Variants in RIOK3 observed in about 807,000 individuals in gnomAD.
The protein encoded by RIOK3 is serine/threonine-protein kinase RIO3.
RIOK3 carries 40 observed loss-of-function variants against 63.5 expected under a neutral mutation model. That is an observed-to-expected ratio of 0.63 (90% CI 0.49 to 0.82). The LOEUF is 0.82. Ranked by LOEUF, RIOK3 falls within the 40% of genes least tolerant of loss-of-function variation. The pLI is 0.00. For synonymous variants in RIOK3, 193 were observed against 205.0 expected (o/e 0.94, Z 0.50); for missense variants, 557 against 637.0 (o/e 0.87, Z 1.35).
At chr18:23,467,676 G>A (rs1377865656) in intron 7 of RIOK3, 150 bp downstream of exon 7, 3 of 575,712 alleles carry the variant, frequency 5.2e-6, no homozygotes, top group Admixed American at 3.9e-5. Context: ...GTATAGGAAT[G>A]TATAAAAAAC....
chr18:23,463,114 T>G (rs1299480867), intron 2 of RIOK3, 35 bp downstream of exon 2: 2 of 1,364,866 alleles, frequency 1.5e-6, no homozygotes, highest in Non-Finnish European at 2.1e-6. Context: ...ATCTAGCAAC[T>G]TATAGCAGAG....
intron 11 of RIOK3, among the ~76,000 whole-genome samples, chr18:23,478,562 A>G (rs2057508958): frequency 7.9e-6 from 1 of 126,904 alleles, no homozygotes; most frequent in Admixed American, 8.3e-5. Flanking sequence ...ACTGCACTCC[A>G]GCCTGGATGA....
chr18:23,474,362 G>A (rs1280978343), intron 8 of RIOK3, among the ~76,000 whole-genome samples: 1 of 151,828 alleles, frequency 6.6e-6, no homozygotes, highest in Non-Finnish European at 1.5e-5. Context: ...CCAAGACCTT[G>A]TCTCAAAAAG....
intron 7 of RIOK3, among the ~76,000 whole-genome samples, chr18:23,469,412 C>T (rs1160206949): frequency 9.8e-6 from 1 of 101,568 alleles, no homozygotes; most frequent in South Asian, 3.8e-4. Flanking sequence ...CCCCTCTCTC[C>T]TCTCTCTCTC....
intron 10 of RIOK3, 24 bp downstream of exon 10, chr18:23,477,110 T>G: frequency 6.2e-7 from 1 of 1,612,112 alleles, no homozygotes; most frequent in Non-Finnish European, 8.5e-7. Flanking sequence ...TTTGTTAACA[T>G]TCAGATTTAA....
chr18:23,475,521 C>T (rs1358187105), intron 9 of RIOK3, among the ~76,000 whole-genome samples: 7 of 151,236 alleles, frequency 4.6e-5, no homozygotes, highest in African/African-American at 9.7e-5. Context: ...CCCAGCTACT[C>T]GGGAGTCTAA....
chr18:23,481,001 AC>A (rs2057529974), intron 12 of RIOK3, among the ~76,000 whole-genome samples, 170 bp from the exon 13 acceptor site: 1 of 151,968 alleles, frequency 6.6e-6, no homozygotes, highest in Non-Finnish European at 1.5e-5. Flanking sequence ...AATTGCTTGA[AC>A]CCAGGAGGCA....
intron 1 of RIOK3, among the ~76,000 whole-genome samples, chr18:23,462,098 A>G (rs1361552583): frequency 1.5e-5 from 2 of 132,174 alleles, no homozygotes; most frequent in Admixed American, 7.3e-5. Flanking sequence ...CAAAAAAAAA[A>G]AAAGAAATAA....
intron 1 of RIOK3, among the ~76,000 whole-genome samples, chr18:23,457,042 T>C (rs1318002265): frequency 1.3e-5 from 2 of 152,226 alleles, no homozygotes; most frequent in Non-Finnish European, 2.9e-5. Context: ...TCATCACATC[T>C]GATGTAGACT....
intron 11 of RIOK3, among the ~76,000 whole-genome samples, 178 bp downstream of exon 11, chr18:23,477,446 T>TA (rs2057499383): frequency 6.6e-6 from 1 of 152,174 alleles, no homozygotes; most frequent in South Asian, 2.1e-4. Flanking sequence ...AAGAATTTGA[T>TA]TCCATGTCTT....
At position 23,453,528 on chromosome 18, in the gene RIOK3, C is replaced by T. The variant is rs764678492; in HGVS notation, c.63+26C>T. The T allele has an allele frequency of 5.7e-6, 9 of 1,578,266 alleles. No homozygotes were observed. The East Asian group carries it at 2.0e-4, about 35-fold the overall frequency. ...GTAAGTGGCAGACGAGACTGGAGTACTAGCCTTGGTCACACGGGCTGGATC... is the reference window on the plus strand; with the variant it reads ...GTAAGTGGCAGACGAGACTGGAGTATTAGCCTTGGTCACACGGGCTGGATC... On this transcript the variant is annotated intron_variant, in intron 1 of 12. Coordinates refer to ENST00000339486, the MANE Select transcript of RIOK3 (RefSeq NM_003831.5).
chr18:23,473,168 ATTCCGT>A (rs2057466863), intron 7 of RIOK3, among the ~76,000 whole-genome samples: 53 of 152,200 alleles, frequency 3.5e-4, no homozygotes, highest in Admixed American at 3.5e-3. Context: ...TTCAAGCTTG[ATTCCGT>A]AGTCATTAAG....
intron 7 of RIOK3, among the ~76,000 whole-genome samples, chr18:23,467,758 A>G (rs2145684241): frequency 6.7e-6 from 1 of 148,300 alleles, no homozygotes. Context: ...GTTTTTTTCA[A>G]TGCGTATATT....
At chr18:23,455,415 C>T (rs1038379984) in intron 1 of RIOK3, among the ~76,000 whole-genome samples, 8 of 141,592 alleles carry the variant, frequency 5.7e-5, no homozygotes, top group South Asian at 2.2e-4. Context: ...TTTTTTGAGA[C>T]GGAGTCTCGC....
intron 1 of RIOK3, among the ~76,000 whole-genome samples, chr18:23,457,680 A>T (rs959994207): frequency 3.9e-5 from 6 of 152,174 alleles, no homozygotes; most frequent in East Asian, 1.9e-4. Flanking sequence ...AAAAAATTTT[A>T]AAAAATGGAT....
In RIOK3 at chr18:23,481,622, A is replaced by G. The variant is rs2057535525; in HGVS notation, c.*343A>G. ...ACACTTCCAAATATGGGAGGAAAGG[A>G]CAGATGTGTTTACAAGGGAGGATTT... On this transcript the variant is annotated 3_prime_UTR_variant, in exon 13 of 13. Coordinates refer to ENST00000339486, the MANE Select transcript of RIOK3 (RefSeq NM_003831.5). 1 of 184,478 alleles carries G rather than the reference A, an allele frequency of 5.4e-6. No individual in the cohort carries two copies. The allele number at this position is 184,478 out of a possible 1,614,324, so 11.4% of individuals were successfully genotyped here. A position where few individuals can be genotyped will look rare whatever the true frequency, so the allele number is the denominator to read the frequency against.
At chr18:23,476,132 G>T (rs1259155769) in intron 9 of RIOK3, among the ~76,000 whole-genome samples, 2 of 151,982 alleles carry the variant, frequency 1.3e-5, no homozygotes, top group Admixed American at 6.6e-5. Context: ...AGCAGGTCTG[G>T]TCTCATCATA....
At chr18:23,468,488 A>G (rs2057426085) in intron 7 of RIOK3, among the ~76,000 whole-genome samples, 2 of 151,622 alleles carry the variant, frequency 1.3e-5, no homozygotes, top group Non-Finnish European at 2.9e-5. Context: ...TTTTTAGTAG[A>G]GATGGGCTTT....
rs1185126579 is a variant in RIOK3 at position 23,475,091 on chromosome 18, A to T, written c.1157A>T (p.Tyr386Phe). The T allele has an allele frequency of 3.7e-6, 6 of 1,611,328 alleles. No individual in the cohort carries two copies. The highest frequency in any genetic ancestry group is 1.7e-5 in the Admixed American group (1 of 59,498). ...AATAGTGAAGAAATGAAAGAAGCCT[A>T]CTATCAAACTCTTCATGTAAGTTGT... Reference protein sequence around the residue: ...KLNSEEMKEAYYQTLHLMRQL... With the variant: ...KLNSEEMKEAFYQTLHLMRQL... The change falls in exon 9 of 13, where the codon TAC (tyrosine) becomes TTC (phenylalanine). Residue 386 changes from tyrosine (Y) to phenylalanine (F), a missense_variant. Coordinates refer to ENST00000339486, the MANE Select transcript of RIOK3 (RefSeq NM_003831.5).
Sources: allele counts gnomAD v4.1 joint callset (sites outside exome capture counted in the v4.1 genomes callset), GRCh38; gene constraint gnomAD v4.1.1; transcripts MANE v1.5; gene names NCBI Gene and HGNC (gene_info 2026-07-23, HGNC 2026-07-21).